Variants in CFAP299 observed in about 807,000 individuals in gnomAD.
CFAP299 encodes the protein cilia and flagella associated protein 299.
In CFAP299, 21 loss-of-function variants were observed where a neutral mutation model predicts 27.0. That is an observed-to-expected ratio of 0.78 (90% CI 0.55 to 1.12). CFAP299 has a LOEUF of 1.12. CFAP299 is among the 50% of genes most tolerant of loss of function. CFAP299 has a pLI of 0.00. For missense variants in CFAP299, 310 were observed against 276.6 expected, an observed-to-expected ratio of 1.12 and a Z score of -0.86; for synonymous variants, 104 against 98.1, an observed-to-expected ratio of 1.06 and a Z score of -0.36.
intron 3 of CFAP299, among the ~76,000 whole-genome samples, chr4:80,700,932 C>T (rs1476620432): frequency 6.6e-6 from 1 of 151,886 alleles, no homozygotes; most frequent in Non-Finnish European, 1.5e-5. Context: ...TATTTTGTGC[C>T]AGCCACTGTT....
At chr4:80,723,422 G>A (rs1722954152) in intron 3 of CFAP299, among the ~76,000 whole-genome samples, 1 of 152,100 alleles carries the variant, frequency 6.6e-6, no homozygotes, top group Non-Finnish European at 1.5e-5. Flanking sequence ...GCTGATACAT[G>A]TTACAACATG....
chr4:80,900,392 C>T lies in CFAP299; in HGVS notation c.476+30257C>T, dbSNP rs945973735. 5.3e-5 allele frequency among the ~76,000 whole-genome samples: 8 copies of T among 152,180 alleles called. No individual in the cohort carries two copies. In the East Asian group the frequency reaches 1.5e-3, roughly 29 times the overall value. On this transcript the variant is annotated intron_variant, in intron 4 of 5. Transcript: ENST00000358105. ...AATATTAACATAGCAATATTCTTGT[C>T]TGATTGTATATCTCATGTTTAAAGA... is the stretch of plus-strand genomic sequence containing the variant.
intron 4 of CFAP299, among the ~76,000 whole-genome samples, chr4:80,894,045 A>G (rs964250939): frequency 6.6e-6 from 1 of 151,996 alleles, no homozygotes; most frequent in African/African-American, 2.4e-5. Flanking sequence ...ATTAAAAAAA[A>G]ATGGTTGAAA....
At chr4:80,926,562 C>T in intron 4 of CFAP299, among the ~76,000 whole-genome samples, 1 of 151,922 alleles carries the variant, frequency 6.6e-6, no homozygotes, top group East Asian at 1.9e-4. Flanking sequence ...AGACAAGATG[C>T]ATGGAGAAGG....
chr4:80,789,378 AG>A (rs1489105397), intron 3 of CFAP299, among the ~76,000 whole-genome samples: 1 of 152,082 alleles, frequency 6.6e-6, no homozygotes, highest in East Asian at 1.9e-4. Flanking sequence ...GGAGGAGAGC[AG>A]CATGAAATTT....
intron 2 of CFAP299, among the ~76,000 whole-genome samples, chr4:80,389,140 T>G (rs925277099): frequency 5.9e-5 from 9 of 152,224 alleles, no homozygotes; most frequent in African/African-American, 1.4e-4. Context: ...ATGCCTGGGA[T>G]AAGCTCAACT....
chr4:80,630,313 T>C (rs533413412), intron 3 of CFAP299, among the ~76,000 whole-genome samples: 3 of 152,332 alleles, frequency 2.0e-5, no homozygotes, highest in Admixed American at 1.3e-4. Flanking sequence ...CTCATCATTC[T>C]ATATCTGTGA....
At chr4:80,381,895 CT>C (rs1724717047) in intron 2 of CFAP299, among the ~76,000 whole-genome samples, 1 of 152,108 alleles carries the variant, frequency 6.6e-6, no homozygotes, top group African/African-American at 2.4e-5. Context: ...CTTTTTCCTT[CT>C]ACTATCTTCC....
At chr4:80,773,009 C>CCATGGA (rs1416105203) in intron 3 of CFAP299, among the ~76,000 whole-genome samples, 4 of 152,126 alleles carry the variant, frequency 2.6e-5, no homozygotes, top group Non-Finnish European at 4.4e-5. Flanking sequence ...TACATAAACA[C>CCATGGA]CATGGAATAC....
chr4:80,544,842 C>T (rs1188194519), intron 2 of CFAP299, among the ~76,000 whole-genome samples: 1 of 152,166 alleles, frequency 6.6e-6, no homozygotes, highest in Non-Finnish European at 1.5e-5. Flanking sequence ...TGGACTTAAA[C>T]TCAATATTTG....
At chr4:80,830,354 A>G (rs1192517025) in intron 3 of CFAP299, among the ~76,000 whole-genome samples, 1 of 152,116 alleles carries the variant, frequency 6.6e-6, no homozygotes, top group African/African-American at 2.4e-5. Flanking sequence ...ATTTAAGGCT[A>G]TTCAAGGGGA....
At chr4:80,894,534 C>T (rs910901841) in intron 4 of CFAP299, among the ~76,000 whole-genome samples, 3 of 151,844 alleles carry the variant, frequency 2.0e-5, no homozygotes, top group Non-Finnish European at 4.4e-5. Context: ...ATATAGTTAT[C>T]GAATATCATA....
chr4:80,551,312 T>C (rs530886748), intron 2 of CFAP299, among the ~76,000 whole-genome samples: 1 of 152,298 alleles, frequency 6.6e-6, no homozygotes, highest in Admixed American at 6.5e-5. Context: ...AGTCAGTGTT[T>C]CAGCTGACAA....
intron 2 of CFAP299, among the ~76,000 whole-genome samples, chr4:80,579,557 C>A (rs1373440170): frequency 6.6e-6 from 1 of 152,116 alleles, no homozygotes; most frequent in East Asian, 1.9e-4. Context: ...GCAAGAGAGT[C>A]ACGCTTAGCA....
Position 80,644,602 on chromosome 4 carries a change from T to C in CFAP299, c.333+61419T>C, listed in dbSNP as rs564700546. Among the ~76,000 whole-genome samples, 20 of 152,314 alleles carry C rather than the reference T, an allele frequency of 1.3e-4. No individual in the cohort carries two copies. In the South Asian group the frequency reaches 4.1e-3, roughly 32 times the overall value. On this transcript the variant is annotated intron_variant, in intron 3 of 5. Transcript: ENST00000358105. ...TGTCCCTGTGGCATTACAGATCAAT[T>C]AGTAATTCGGGTGGAAACAATGTAA...
intron 2 of CFAP299, among the ~76,000 whole-genome samples, chr4:80,461,296 G>A (rs993778120): frequency 2.6e-5 from 4 of 152,114 alleles, no homozygotes; most frequent in East Asian, 3.8e-4. Flanking sequence ...TCTACAGAAC[G>A]TAGATTTTCC....
At chr4:80,579,326 A>G (rs1231674980) in intron 2 of CFAP299, among the ~76,000 whole-genome samples, 1 of 152,212 alleles carries the variant, frequency 6.6e-6, no homozygotes, top group Non-Finnish European at 1.5e-5. Flanking sequence ...TTAATGTGCA[A>G]AAGTTAGTGA....
chr4:80,905,291 C>T (rs1466743057), intron 4 of CFAP299, among the ~76,000 whole-genome samples: 1 of 152,150 alleles, frequency 6.6e-6, no homozygotes, highest in Non-Finnish European at 1.5e-5. Context: ...ATGTTTGAAT[C>T]TGGTCCACTT....
chr4:80,654,167 A>G (rs768945943), intron 3 of CFAP299, among the ~76,000 whole-genome samples: 1 of 152,156 alleles, frequency 6.6e-6, no homozygotes, highest in Non-Finnish European at 1.5e-5. Context: ...TATGATCAAT[A>G]GTAGCAATAC....
Sources: gnomAD v4.1 joint callset for allele counts (sites outside exome capture counted in the v4.1 genomes callset) on GRCh38, gnomAD v4.1.1 for gene constraint, MANE v1.5 for transcripts, NCBI Gene and HGNC (gene_info 2026-07-23, HGNC 2026-07-21) for gene names.